MMRN1: variants seen among roughly 807,000 people sequenced by gnomAD.
MMRN1 encodes the protein multimerin-1.
MMRN1 carries 94 observed loss-of-function variants against 100.7 expected under a neutral mutation model. The observed-to-expected ratio is 0.93, with a 90% CI of 0.79 to 1.11. The LOEUF is 1.11. Ranked by LOEUF, MMRN1 falls within the 50% of genes least tolerant of loss-of-function variation. The pLI is 0.00. For missense variants in MMRN1, 1,606 were observed against 1,439.1 expected, an observed-to-expected ratio of 1.12 and a Z score of -1.88; for synonymous variants, 575 against 505.0, an observed-to-expected ratio of 1.14 and a Z score of -1.86.
At chr4:89,932,162 C>A (rs994387810) in intron 5 of MMRN1, among the ~76,000 whole-genome samples, 5 of 152,270 alleles carry the variant, frequency 3.3e-5, no homozygotes, top group Admixed American at 3.3e-4. Flanking sequence ...ACGGGCCTCA[C>A]GCAAGTCCGA....
intron 6 of MMRN1, among the ~76,000 whole-genome samples, chr4:89,939,438 C>T (rs181596010): frequency 2.0e-3 from 301 of 152,114 alleles, no homozygotes; most frequent in African/African-American, 6.6e-3. Context: ...CGTAATAATA[C>T]GACATTGGTT....
intron 3 of MMRN1, among the ~76,000 whole-genome samples, chr4:89,921,371 A>AC (rs1211526080): frequency 1.3e-5 from 2 of 152,010 alleles, no homozygotes; most frequent in Non-Finnish European, 2.9e-5. Context: ...TGATTAAAGG[A>AC]CCCCAGTCTG....
rs369661806 is a variant in MMRN1 at position 89,943,415 on chromosome 4, C to G, written c.3118+6617C>G. Among the ~76,000 whole-genome samples, 12 of 152,214 alleles carry G rather than the reference C, an allele frequency of 7.9e-5. 1 individual carries two copies. Among genetic ancestry groups the G allele is most frequent in the African/African-American group, 2.9e-4 (12 of 41,546 alleles). On this transcript the variant is annotated intron_variant, in intron 6 of 7. Transcript: ENST00000264790. ...AATTGCAGATTTACCTCAAGAGGAT[C>G]TTTGTAAAACACTTTCCTAGATGGA...
At chr4:89,945,333 G>A (rs1722955754) in intron 6 of MMRN1, among the ~76,000 whole-genome samples, 1 of 152,108 alleles carries the variant, frequency 6.6e-6, no homozygotes, top group South Asian at 2.1e-4. Context: ...TTGTATGAAT[G>A]TCAGTTTTTG....
Position 89,895,250 on chromosome 4 carries a change from G to A in MMRN1, c.279G>A (p.Glu93=). 6.2e-7 allele frequency: 1 copy of A among 1,613,816 alleles called. No homozygotes were observed. The highest frequency in any genetic ancestry group is 8.5e-7 in the Non-Finnish European group (1 of 1,179,912). The change falls in exon 1 of 8, where the codon GAG becomes GAA. Residue 93 remains glutamate (E), a synonymous_variant. Transcript: ENST00000264790. ...LPPSETSAPA[E]GVRNQTLTST... Reference sequence around the variant, plus strand: ...CCTCAGAAACAAGTGCACCTGCTGAGGGTGTGAGAAATCAAACTCTCACAT... The same window carrying A: ...CCTCAGAAACAAGTGCACCTGCTGAAGGTGTGAGAAATCAAACTCTCACAT...
chr4:89,946,001 C>G, intron 6 of MMRN1, among the ~76,000 whole-genome samples: 1 of 152,124 alleles, frequency 6.6e-6, no homozygotes, highest in East Asian at 1.9e-4. Context: ...CATTTGAAAA[C>G]TTAATAAAAA....
At chr4:89,951,204 A>G (rs1723160754) in intron 6 of MMRN1, among the ~76,000 whole-genome samples, 1 of 152,126 alleles carries the variant, frequency 6.6e-6, no homozygotes, top group Non-Finnish European at 1.5e-5. Flanking sequence ...TTATGTTTCT[A>G]ATATATATTC....
At chr4:89,930,441 T>G (rs1367761441) in intron 5 of MMRN1, among the ~76,000 whole-genome samples, 1 of 152,128 alleles carries the variant, frequency 6.6e-6, no homozygotes, top group Non-Finnish European at 1.5e-5. Context: ...GTTTTTCTTA[T>G]TAGGACTTTT....
intron 1 of MMRN1, among the ~76,000 whole-genome samples, chr4:89,883,066 T>G (rs1481653400): frequency 6.6e-6 from 1 of 152,082 alleles, no homozygotes; most frequent in African/African-American, 2.4e-5. Flanking sequence ...ATTTTTGACA[T>G]TCATAGATGT....
upstream of MMRN1, among the ~76,000 whole-genome samples, chr4:89,890,760 G>C (rs984848734): frequency 2.0e-5 from 3 of 152,018 alleles, no homozygotes; most frequent in African/African-American, 7.2e-5. Flanking sequence ...CAATGACATG[G>C]TTTTGTGAAC....
chr4:89,880,633 A>G (rs1720795303), intron 1 of MMRN1, among the ~76,000 whole-genome samples: 1 of 152,150 alleles, frequency 6.6e-6, no homozygotes. Flanking sequence ...TGATGAGAGG[A>G]GAGAAAACAT....
At chr4:89,910,827 T>C (rs1276636889) in intron 2 of MMRN1, among the ~76,000 whole-genome samples, 1 of 151,438 alleles carries the variant, frequency 6.6e-6, no homozygotes, top group Non-Finnish European at 1.5e-5. Context: ...TGTCATGTTA[T>C]AGCAGAAACT....
chr4:89,934,786 A>G (rs1451751233), intron 5 of MMRN1, 24 bp from the exon 6 acceptor site: 2 of 1,311,454 alleles, frequency 1.5e-6, no homozygotes, highest in East Asian at 2.4e-5. Flanking sequence ...AAAACTATGT[A>G]TTATTAATTA....
At chr4:89,928,277 A>G (rs1039897512) in intron 5 of MMRN1, among the ~76,000 whole-genome samples, 1 of 152,066 alleles carries the variant, frequency 6.6e-6, no homozygotes, top group African/African-American at 2.4e-5. Flanking sequence ...CCATTGTGTT[A>G]TCTACTTCAA....
intron 1 of MMRN1, among the ~76,000 whole-genome samples, chr4:89,885,894 C>T (rs1720925703): frequency 2.0e-5 from 3 of 151,928 alleles, no homozygotes; most frequent in Non-Finnish European, 2.9e-5. Flanking sequence ...TTAATTTCTG[C>T]TATTATTTCC....
In MMRN1 at chr4:89,934,835, A is replaced by T; in HGVS notation, c.1155A>T (p.Val385=). 6.5e-7 allele frequency: 1 copy of T among 1,537,860 alleles called. No individual in the cohort carries two copies. Among genetic ancestry groups the T allele is most frequent in the Non-Finnish European group, 8.7e-7 (1 of 1,143,406 alleles). The part of the protein sequence containing the change: ...LKGLKSKSIN[V]LIRDIVREQF... ...GTCTAAAATCCAAAAGCATTAATGT[A>T]CTGATAAGAGACATAGTAAGAGAAC... The change falls in exon 6 of 8, where the codon GTA becomes GTT. Residue 385 remains valine, a synonymous_variant. Coordinates refer to ENST00000264790, the MANE Select transcript of MMRN1 (RefSeq NM_007351.3).
At chr4:89,903,773 T>A (rs1249234083) in intron 1 of MMRN1, among the ~76,000 whole-genome samples, 1 of 151,640 alleles carries the variant, frequency 6.6e-6, no homozygotes, top group Non-Finnish European at 1.5e-5. Flanking sequence ...TAAAAGCAGG[T>A]AGCCTGGCTC....
chr4:89,952,916 G>A (rs1039145018), intron 7 of MMRN1, 81 bp from the exon 8 acceptor site: 3 of 1,356,748 alleles, frequency 2.2e-6, no homozygotes, highest in Non-Finnish European at 3.0e-6. Flanking sequence ...TTGTAACTGA[G>A]ATAAAAATGA....
intron 6 of MMRN1, among the ~76,000 whole-genome samples, chr4:89,941,416 C>A (rs767048442): frequency 1.3e-5 from 2 of 152,262 alleles, no homozygotes; most frequent in Non-Finnish European, 2.9e-5. Context: ...TGAAGGACAA[C>A]ATTTCTGTGT....
Sources: allele counts gnomAD v4.1 joint callset (sites outside exome capture counted in the v4.1 genomes callset), GRCh38; gene constraint gnomAD v4.1.1; transcripts MANE v1.5; gene names NCBI Gene and HGNC (gene_info 2026-07-23, HGNC 2026-07-21).